TBC1D5: variants seen among roughly 807,000 people sequenced by gnomAD.
The protein encoded by TBC1D5 is TBC1 domain family member 5.
TBC1D5 carries 75 observed loss-of-function variants against 100.3 expected under a neutral mutation model. That is an observed-to-expected ratio of 0.75 (90% CI 0.62 to 0.91). The LOEUF is 0.91. Ranked by LOEUF, TBC1D5 falls within the 40% of genes least tolerant of loss-of-function variation. The pLI is 0.00. For synonymous variants in TBC1D5, 323 were observed against 325.6 expected, an observed-to-expected ratio of 0.99 and a Z score of 0.09; for missense variants, 910 against 942.4, an observed-to-expected ratio of 0.97 and a Z score of 0.45.
chr3:17,218,887 C>A (rs1459569965), intron 17 of TBC1D5, among the ~76,000 whole-genome samples: 3 of 151,724 alleles, frequency 2.0e-5, no homozygotes, highest in Non-Finnish European at 4.4e-5. Flanking sequence ...AGGTGTAGAT[C>A]TGAGTTTATC....
chr3:17,670,293 T>C (rs1222672295), intron 1 of TBC1D5, among the ~76,000 whole-genome samples: 1 of 152,232 alleles, frequency 6.6e-6, no homozygotes, highest in Non-Finnish European at 1.5e-5. Flanking sequence ...CACAAATTAT[T>C]ATTAAACTCT....
chr3:17,669,231 C>T (rs2067643883), intron 1 of TBC1D5, among the ~76,000 whole-genome samples: 1 of 152,108 alleles, frequency 6.6e-6, no homozygotes, highest in African/African-American at 2.4e-5. Context: ...AGTTTGCTTC[C>T]CCTTCCACCA....
At chr3:17,291,973 G>T (rs771356122) in exon 15 of TBC1D5, 1 of 1,613,726 alleles carries the variant, frequency 6.2e-7, no homozygotes, top group African/African-American at 1.3e-5. Flanking sequence ...TCAGAAGGCC[G>T]AGACAGGTCT....
chr3:17,529,759 G>A (rs2096193561), intron 2 of TBC1D5, among the ~76,000 whole-genome samples: 1 of 151,758 alleles, frequency 6.6e-6, no homozygotes, highest in South Asian at 2.1e-4. Flanking sequence ...CAATCCTCCT[G>A]CCTCAGCCTC....
intron 15 of TBC1D5, among the ~76,000 whole-genome samples, chr3:17,285,851 G>C (rs1341829022): frequency 6.6e-6 from 1 of 152,104 alleles, no homozygotes; most frequent in Non-Finnish European, 1.5e-5. Context: ...ATAACCTCAA[G>C]CAAGAACCAA....
At chr3:17,703,058 T>C (rs2073430747) in intron 1 of TBC1D5, among the ~76,000 whole-genome samples, 1 of 152,132 alleles carries the variant, frequency 6.6e-6, no homozygotes. Flanking sequence ...TGGAAATTTA[T>C]GAAGTTAAAA....
At chr3:17,646,344 T>G (rs532000007) in intron 1 of TBC1D5, among the ~76,000 whole-genome samples, 1 of 152,124 alleles carries the variant, frequency 6.6e-6, no homozygotes, top group Non-Finnish European at 1.5e-5. Context: ...AAATTTCTTT[T>G]GTTTTTAGCC....
chr3:17,399,049 G>A (rs2093581494), intron 8 of TBC1D5, among the ~76,000 whole-genome samples: 1 of 152,068 alleles, frequency 6.6e-6, no homozygotes, highest in Admixed American at 6.6e-5. Flanking sequence ...GGAAGCAGAG[G>A]GAAGCAGCAT....
intron 1 of TBC1D5, among the ~76,000 whole-genome samples, chr3:17,703,979 G>C (rs1269703147): frequency 7.3e-6 from 1 of 137,784 alleles, no homozygotes; most frequent in African/African-American, 2.7e-5. Flanking sequence ...AGGGGGATTT[G>C]GCAGGGTCAT....
intron 13 of TBC1D5, among the ~76,000 whole-genome samples, chr3:17,322,805 A>C (rs546257948): frequency 6.6e-6 from 1 of 152,306 alleles, no homozygotes; most frequent in Admixed American, 6.5e-5. Flanking sequence ...GAACTACTAC[A>C]CAGCAGTGGA....
chr3:17,319,312 T>A (rs2085076516), intron 13 of TBC1D5, among the ~76,000 whole-genome samples: 1 of 152,218 alleles, frequency 6.6e-6, no homozygotes, highest in Non-Finnish European at 1.5e-5. Context: ...CCGTGATCTC[T>A]TCTGAAGCAC....
At chr3:17,542,937 C>G (rs117757511) in intron 2 of TBC1D5, among the ~76,000 whole-genome samples, 2 of 152,114 alleles carry the variant, frequency 1.3e-5, no homozygotes, top group Non-Finnish European at 2.9e-5. Context: ...TTATTAGGAA[C>G]GTTTTTCTTG....
Position 17,673,313 on chromosome 3 carries a change from T to TTC in TBC1D5, c.-100-49401_-100-49400insGA, listed in dbSNP as rs2068189869. Among the ~76,000 whole-genome samples, 2 of 139,230 alleles carry TTC rather than the reference T, an allele frequency of 1.4e-5. 1 individual carries two copies. The highest frequency in any genetic ancestry group is 4.9e-4 in the South Asian group (2 of 4,046). 91.3% of individuals were successfully genotyped at this position (139,230 alleles called of 152,430 possible). ...TTTTCTGTACTTTCTTTTCTTTTCT[T>TTC]TTTTTTTTTTTTTTTGAGACAGGGT... On this transcript the variant is annotated intron_variant, in intron 1 of 21. Transcript: ENST00000253692.
At chr3:17,607,554 A>G (rs2153608812) in intron 2 of TBC1D5, among the ~76,000 whole-genome samples, 1 of 152,196 alleles carries the variant, frequency 6.6e-6, no homozygotes, top group Admixed American at 6.5e-5. Flanking sequence ...AAAGAAAAAA[A>G]AAAAAAAGCT....
chr3:17,209,475 TTCTTGATTTC>T (rs1353445241), intron 18 of TBC1D5, among the ~76,000 whole-genome samples: 6 of 152,200 alleles, frequency 3.9e-5, no homozygotes, highest in Admixed American at 6.5e-5. Flanking sequence ...ATCTAGCCAC[TTCTTGATTTC>T]TCTCGAGAGT....
chr3:17,718,538 A>G (rs1274213890), intron 1 of TBC1D5, among the ~76,000 whole-genome samples: 1 of 152,204 alleles, frequency 6.6e-6, no homozygotes, highest in Non-Finnish European at 1.5e-5. Context: ...CAGAGCTTGC[A>G]GTAAGCCGAG....
intron 9 of TBC1D5, among the ~76,000 whole-genome samples, chr3:17,379,078 T>G (rs2092826073): frequency 6.6e-6 from 1 of 151,706 alleles, no homozygotes; most frequent in South Asian, 2.1e-4. Context: ...TTCTAATATT[T>G]CCTATTTTCT....
chr3:17,705,569 G>C (rs1343666876), intron 1 of TBC1D5, among the ~76,000 whole-genome samples: 1 of 141,448 alleles, frequency 7.1e-6, no homozygotes, highest in Non-Finnish European at 1.6e-5. Context: ...CCTCCCAGAC[G>C]GGGTCTCGGC....
At chr3:17,677,610 T>G (rs892417251) in intron 1 of TBC1D5, among the ~76,000 whole-genome samples, 1 of 152,132 alleles carries the variant, frequency 6.6e-6, no homozygotes, top group East Asian at 1.9e-4. Flanking sequence ...GACCCAGAAC[T>G]AGAAATGCCA....
Sources: gnomAD v4.1 joint callset for allele counts (sites outside exome capture counted in the v4.1 genomes callset) on GRCh38, gnomAD v4.1.1 for gene constraint, MANE v1.5 for transcripts, NCBI Gene and HGNC (gene_info 2026-07-23, HGNC 2026-07-21) for gene names.